USP53: variants seen among roughly 807,000 people sequenced by gnomAD.
USP53 encodes the protein ubiquitin specific peptidase 53, also known as ubiquitin carboxyl-terminal hydrolase 53.
A neutral mutation model predicts 94.9 loss-of-function variants in USP53; 71 were observed. The observed-to-expected ratio is 0.75, with a 90% CI of 0.62 to 0.91. The LOEUF is 0.91. Ranked by LOEUF, USP53 falls within the 40% of genes least tolerant of loss-of-function variation. The pLI, the probability that USP53 is intolerant of heterozygous loss-of-function variation, is 0.00. For synonymous variants in USP53, 375 were observed against 422.7 expected, an observed-to-expected ratio of 0.89 and a Z score of 1.39; for missense variants, 1,173 against 1,281.0, an observed-to-expected ratio of 0.92 and a Z score of 1.29.
intron 4 of USP53, among the ~76,000 whole-genome samples, chr4:119,237,512 G>T (rs1746948140): frequency 6.6e-6 from 1 of 151,616 alleles, no homozygotes; most frequent in Admixed American, 6.6e-5. Flanking sequence ...TCTATTGAAA[G>T]TCAGCCCTCG....
chr4:119,256,567 T>C, intron 9 of USP53, 44 bp downstream of exon 9: 1 of 1,581,366 alleles, frequency 6.3e-7, no homozygotes, highest in Non-Finnish European at 8.7e-7. Flanking sequence ...ATTAATAACA[T>C]ATTTAAGCAC....
At chr4:119,240,769 GC>G (rs1747418428) in intron 5 of USP53, among the ~76,000 whole-genome samples, 1 of 152,108 alleles carries the variant, frequency 6.6e-6, no homozygotes, top group Admixed American at 6.5e-5. Flanking sequence ...ATTCTCAGTT[GC>G]CTTCTACCTG....
At chr4:119,225,781 C>A (rs1745167388) in intron 3 of USP53, among the ~76,000 whole-genome samples, 1 of 151,236 alleles carries the variant, frequency 6.6e-6, no homozygotes, top group South Asian at 2.1e-4. Context: ...AATTCAGTAA[C>A]AAAATCAGAC....
In USP53 at chr4:119,292,547, G is replaced by C. The variant is rs747131511; in HGVS notation, c.2558G>C (p.Arg853Thr). 7 of 1,614,052 alleles carry C rather than the reference G, an allele frequency of 4.3e-6. No homozygotes were observed. The highest frequency in any genetic ancestry group is 5.9e-6 in the Non-Finnish European group (7 of 1,179,934). ...GTTGATAACTCTGCTTCTGGGAAGAGAGTGAACAGTAATGAACCATCTTCA... is the reference window on the plus strand; with the variant it reads ...GTTGATAACTCTGCTTCTGGGAAGACAGTGAACAGTAATGAACCATCTTCA... ...FHVDNSASGK[R>T]VNSNEPSSLW... Residue 853 changes from arginine (R) to threonine (T), a missense_variant, in exon 19 of 19, where the codon AGA (arginine) becomes ACA (threonine). Physicochemically the swap from Arg to Thr is moderately conservative, Grantham distance 71. Coordinates refer to ENST00000692078, the MANE Select transcript of USP53 (RefSeq NM_001371395.1).
rs1170615510 is a variant in USP53 at position 119,260,637 on chromosome 4, A to T, written c.806A>T (p.His269Leu). 6.2e-7 allele frequency: 1 copy of T among 1,613,708 alleles called. No homozygotes were observed. Among genetic ancestry groups the T allele is most frequent in the Non-Finnish European group, 8.5e-7 (1 of 1,179,772 alleles). Residue 269 changes from histidine (H) to leucine (L), a missense_variant, in exon 11 of 19, where the codon CAT becomes CTT. Transcript: ENST00000692078. ...GCTGTTGTTCGGAATCTAGCAACAC[A>T]TCTTTATCTTCCTGGGGTATCTTAT... ...TEAVVRNLAT[H>L]LYLPGLFYRV...
chr4:119,264,013 C>T (rs534110864), intron 12 of USP53, among the ~76,000 whole-genome samples: 4 of 152,200 alleles, frequency 2.6e-5, no homozygotes, highest in African/African-American at 7.2e-5. Context: ...TGCAGTGAGC[C>T]GAGATCGCGC....
Position 119,256,870 on chromosome 4 carries a change from G to A in USP53, c.569+347G>A, listed in dbSNP as rs569956646. Reference sequence around the variant, plus strand: ...TTTATGAGATGTTCTGTTTGTAATGGCCATATTTTCAGTCAGCTCCACTAT... The same window carrying A: ...TTTATGAGATGTTCTGTTTGTAATGACCATATTTTCAGTCAGCTCCACTAT... On this transcript the variant is annotated intron_variant, in intron 9 of 18. Transcript: ENST00000692078. 3.9e-5 allele frequency among the ~76,000 whole-genome samples: 6 copies of A among 152,172 alleles called. No homozygotes were observed. The East Asian group carries it at 1.2e-3, about 29-fold the overall frequency.
chr4:119,256,534 A>G lies in USP53; in HGVS notation c.569+11A>G, dbSNP rs572309914. On this transcript the variant is annotated intron_variant, in intron 9 of 18. Coordinates refer to ENST00000692078, the MANE Select transcript of USP53 (RefSeq NM_001371395.1). ...TACAACAGCCTTATGGTAAGAACCT[A>G]TTAAAGCTTAATTATCAACGATATT... The G allele has an allele frequency of 4.3e-6, 7 of 1,612,754 alleles. No homozygotes were observed. The African/African-American group carries it at 6.7e-5, about 15-fold the overall frequency.
chr4:119,241,687 T>C (rs930446633), intron 5 of USP53, among the ~76,000 whole-genome samples: 2 of 152,158 alleles, frequency 1.3e-5, no homozygotes, highest in South Asian at 2.1e-4. Flanking sequence ...TGTTTCTTGA[T>C]ATAGGTTTCT....
chr4:119,250,832 T>G (rs950404914), intron 7 of USP53, among the ~76,000 whole-genome samples: 2 of 152,086 alleles, frequency 1.3e-5, no homozygotes, highest in African/African-American at 4.8e-5. Context: ...ATTGCCTGCA[T>G]TATGGTGTTA....
At chr4:119,222,358 T>G (rs193168764) in intron 3 of USP53, among the ~76,000 whole-genome samples, 1 of 152,248 alleles carries the variant, frequency 6.6e-6, no homozygotes, top group Admixed American at 6.5e-5. Flanking sequence ...AATACATTAC[T>G]GTTTAGTCAC....
chr4:119,229,306 C>T (rs573452714), intron 3 of USP53, among the ~76,000 whole-genome samples: 4 of 152,276 alleles, frequency 2.6e-5, no homozygotes, highest in South Asian at 4.1e-4. Flanking sequence ...TTTTCTCACT[C>T]GCATGTCCTT....
intron 3 of USP53, among the ~76,000 whole-genome samples, chr4:119,221,924 C>A (rs1744583670): frequency 6.6e-6 from 1 of 152,102 alleles, no homozygotes; most frequent in South Asian, 2.1e-4. Context: ...GAAAACTTAC[C>A]ACAATATACA....
At chr4:119,290,206 G>T (rs1270531861) in intron 17 of USP53, among the ~76,000 whole-genome samples, 5 of 152,150 alleles carry the variant, frequency 3.3e-5, no homozygotes, top group African/African-American at 1.2e-4. Context: ...TAATTAGAGA[G>T]AGAGAAAAAA....
At chr4:119,261,338 A>G (rs1750496549) in intron 11 of USP53, among the ~76,000 whole-genome samples, 1 of 152,204 alleles carries the variant, frequency 6.6e-6, no homozygotes, top group South Asian at 2.1e-4. Flanking sequence ...TTGGATAATT[A>G]TCTTTTAGAT....
chr4:119,265,669 A>AG (rs1382841418), intron 12 of USP53, among the ~76,000 whole-genome samples: 6 of 138,284 alleles, frequency 4.3e-5, no homozygotes, highest in African/African-American at 1.1e-4. Flanking sequence ...ACCTTTTCTC[A>AG]AAACAACAAC....
chr4:119,272,931 A>G (rs1752063480), intron 16 of USP53: 1 of 152,218 alleles, frequency 6.6e-6, no homozygotes, highest in African/African-American at 2.4e-5. Flanking sequence ...ATATTAGCTG[A>G]TATTTGACCA....
At chr4:119,228,782 C>T (rs906123593) in intron 3 of USP53, among the ~76,000 whole-genome samples, 8 of 152,028 alleles carry the variant, frequency 5.3e-5, no homozygotes, top group Non-Finnish European at 1.0e-4. Context: ...CTTAAACATC[C>T]TATGTACAAA....
At chr4:119,213,908 TAGGA>T (rs3052217) in intron 1 of USP53, among the ~76,000 whole-genome samples, 158 bp from the exon 2 acceptor site, 2 of 150,208 alleles carry the variant, frequency 1.3e-5, no homozygotes, top group African/African-American at 4.9e-5. Flanking sequence ...GCAGTACACT[TAGGA>T]AGGTTTTTGT....
Sources: gnomAD v4.1 joint callset for allele counts (sites outside exome capture counted in the v4.1 genomes callset) on GRCh38, gnomAD v4.1.1 for gene constraint, MANE v1.5 for transcripts, NCBI Gene and HGNC (gene_info 2026-07-23, HGNC 2026-07-21) for gene names.